FANK1: variants seen among roughly 807,000 people sequenced by gnomAD.
FANK1 encodes the protein fibronectin type III and ankyrin repeat domains 1, also known as fibronectin type 3 and ankyrin repeat domains protein 1.
FANK1 carries 44 observed loss-of-function variants against 45.3 expected under a neutral mutation model. The ratio of observed to expected loss-of-function variants is 0.97; its 90% CI spans 0.76 to 1.25. The LOEUF (loss-of-function observed/expected upper bound fraction) is 1.25, where lower values mean the gene tolerates loss of function less well. Among genes scored for constraint, FANK1 ranks in the 50% most tolerant of loss-of-function variants. The probability of loss-of-function intolerance (pLI) is 0.00; values close to 1 mark genes in which losing one functional copy is unlikely to be tolerated. For missense variants in FANK1, 391 were observed against 424.4 expected (o/e 0.92, Z 0.69); for synonymous variants, 149 against 152.5 (o/e 0.98, Z 0.17).
intron 1 of FANK1, chr10:125,979,822 C>A (rs1421419165): frequency 1.3e-5 from 6 of 475,038 alleles, no homozygotes; most frequent in Non-Finnish European, 2.1e-5. Context: ...TTGTTAGTCA[C>A]TGAAGGATTA....
At chr10:125,962,048 G>A (rs947405247) in intron 1 of FANK1, among the ~76,000 whole-genome samples, 1 of 152,186 alleles carries the variant, frequency 6.6e-6, no homozygotes, top group African/African-American at 2.4e-5. Flanking sequence ...CAGTGAAAGG[G>A]CAACCTACAG....
intron 1 of FANK1, among the ~76,000 whole-genome samples, chr10:125,928,656 A>T (rs1947545792): frequency 6.6e-6 from 1 of 152,074 alleles, no homozygotes; most frequent in Non-Finnish European, 1.5e-5. Context: ...TTTCTGATAG[A>T]TGTATAGTAG....
At chr10:125,958,399 G>C (rs1386225974) in intron 1 of FANK1, among the ~76,000 whole-genome samples, 1 of 152,188 alleles carries the variant, frequency 6.6e-6, no homozygotes, top group Non-Finnish European at 1.5e-5. Flanking sequence ...TACAATCAGG[G>C]TGAAAGAGGA....
intron 1 of FANK1, among the ~76,000 whole-genome samples, chr10:125,938,311 C>T (rs930802344): frequency 1.3e-5 from 2 of 152,020 alleles, no homozygotes; most frequent in African/African-American, 4.8e-5. Flanking sequence ...AAAATCCTGA[C>T]TGTCCACTGA....
intron 1 of FANK1, among the ~76,000 whole-genome samples, chr10:125,961,996 TCAAA>T (rs1949955352): frequency 6.6e-6 from 1 of 152,024 alleles, no homozygotes; most frequent in African/African-American, 2.4e-5. Flanking sequence ...TGAGATTACA[TCAAA>T]CAAAAAAGCT....
intron 1 of FANK1, among the ~76,000 whole-genome samples, chr10:125,903,266 T>C (rs1301571115): frequency 6.6e-6 from 1 of 152,262 alleles, no homozygotes; most frequent in East Asian, 1.9e-4. Context: ...CAGAATGACC[T>C]GAATGACTCA....
intron 4 of FANK1, among the ~76,000 whole-genome samples, chr10:125,995,713 G>A (rs1347960795): frequency 6.6e-6 from 1 of 152,142 alleles, no homozygotes; most frequent in East Asian, 1.9e-4. Flanking sequence ...TTGTGTAATA[G>A]AAATTGTAAA....
intron 1 of FANK1, among the ~76,000 whole-genome samples, chr10:125,910,892 G>A (rs1342079559): frequency 6.6e-6 from 1 of 152,028 alleles, no homozygotes; most frequent in Non-Finnish European, 1.5e-5. Flanking sequence ...AAATTAGCCG[G>A]GTGTGGTGGC....
At chr10:125,941,775 A>C (rs75548946) in intron 1 of FANK1, among the ~76,000 whole-genome samples, 2 of 152,370 alleles carry the variant, frequency 1.3e-5, no homozygotes, top group East Asian at 3.9e-4. Context: ...TTAATAAAAC[A>C]AGTCTCAAAA....
intron 6 of FANK1, among the ~76,000 whole-genome samples, chr10:126,000,617 T>A (rs908647457): frequency 1.1e-4 from 17 of 152,046 alleles, no homozygotes; most frequent in Non-Finnish European, 1.9e-4. Flanking sequence ...CCATAAAAAA[T>A]GACCAGAAAA....
intron 1 of FANK1, among the ~76,000 whole-genome samples, chr10:125,943,716 TC>T (rs2134156629): frequency 6.6e-6 from 1 of 152,336 alleles, no homozygotes; most frequent in East Asian, 1.9e-4. Flanking sequence ...CTACAAGATC[TC>T]AATGCTTTAT....
At chr10:125,960,198 T>A (rs1590054910) in intron 1 of FANK1, 3 of 242,442 alleles carry the variant, frequency 1.2e-5, no homozygotes, top group East Asian at 2.3e-4. Context: ...TCCTAGAGTC[T>A]TCAGGGTAAA....
At chr10:125,925,935 GTTTC>G (rs1324824688) in intron 1 of FANK1, among the ~76,000 whole-genome samples, 1 of 151,668 alleles carries the variant, frequency 6.6e-6, no homozygotes, top group Non-Finnish European at 1.5e-5. Flanking sequence ...TCCTACTTAT[GTTTC>G]TTTTTTTCCT....
At chr10:125,916,972 C>T (rs1946495553) in intron 1 of FANK1, among the ~76,000 whole-genome samples, 1 of 152,194 alleles carries the variant, frequency 6.6e-6, no homozygotes, top group South Asian at 2.1e-4. Context: ...TCCTGCTGTT[C>T]CTCCCAGTTT....
At chr10:125,916,070 C>T (rs1209703356) in intron 1 of FANK1, among the ~76,000 whole-genome samples, 3 of 151,812 alleles carry the variant, frequency 2.0e-5, no homozygotes, top group South Asian at 4.2e-4. Context: ...GAGTCTTGCT[C>T]TGTCACCAGG....
intron 1 of FANK1, among the ~76,000 whole-genome samples, chr10:125,952,524 ACC>A (rs1590017403): frequency 6.6e-6 from 1 of 152,050 alleles, no homozygotes; most frequent in Non-Finnish European, 1.5e-5. Flanking sequence ...AACCAGGATC[ACC>A]CTTGTGTGTA....
At chr10:125,952,838 CA>C (rs1949337920) in intron 1 of FANK1, among the ~76,000 whole-genome samples, 1 of 146,606 alleles carries the variant, frequency 6.8e-6, no homozygotes, top group Non-Finnish European at 1.5e-5. Context: ...CACACACACA[CA>C]CACACACACA....
At chr10:125,948,618 T>C (rs1948979063) in intron 1 of FANK1, among the ~76,000 whole-genome samples, 1 of 152,194 alleles carries the variant, frequency 6.6e-6, no homozygotes, top group African/African-American at 2.4e-5. Context: ...GTGGCAATAA[T>C]CAATAGTTTT....
chr10:125,900,507 T>G lies in FANK1; in HGVS notation c.13+3852T>G, dbSNP rs111296705. On this transcript the variant is annotated intron_variant, in intron 1 of 10. Coordinates refer to ENST00000368693, the MANE Select transcript of FANK1 (RefSeq NM_145235.5). The stretch of plus-strand genomic sequence containing the variant: ...GAGTAAAAACTGTATATTTATCAAA[T>G]GCAGCATCAAGAGAAGCCCCCCGGC... Among the ~76,000 whole-genome samples, 944 of 152,296 alleles carry G rather than the reference T, an allele frequency of 6.2e-3. 9 individuals carry two copies. The highest frequency in any genetic ancestry group is 0.02 in the African/African-American group (833 of 41,554).
Sources: gnomAD v4.1 joint callset for allele counts (sites outside exome capture counted in the v4.1 genomes callset) on GRCh38, gnomAD v4.1.1 for gene constraint, MANE v1.5 for transcripts, NCBI Gene and HGNC (gene_info 2026-07-23, HGNC 2026-07-21) for gene names.